The following NEGR1 variants were observed in gnomAD, a reference collection of about 807,000 sequenced individuals.
The protein encoded by NEGR1 is IgLON family member 4.
In NEGR1, 10 loss-of-function variants were observed where a neutral mutation model predicts 40.9. The observed-to-expected ratio is 0.24, with a 90% CI of 0.15 to 0.42. NEGR1 has a LOEUF of 0.42. Ranked by LOEUF, NEGR1 falls within the 10% of genes least tolerant of loss-of-function variation. The pLI is 1.00. For missense variants in NEGR1, 352 were observed against 438.9 expected, an observed-to-expected ratio of 0.80 and a Z score of 1.77; for synonymous variants, 185 against 166.8, an observed-to-expected ratio of 1.11 and a Z score of -0.84.
chr1:71,773,315 A>G (rs1398647179), intron 3 of NEGR1, among the ~76,000 whole-genome samples: 1 of 152,250 alleles, frequency 6.6e-6, no homozygotes, highest in Non-Finnish European at 1.5e-5. Flanking sequence ...TCGTGTTGAC[A>G]TGAGGTATAT....
chr1:71,550,945 TAGAACATCTACATC>T (rs1648055984), intron 6 of NEGR1, among the ~76,000 whole-genome samples: 1 of 151,576 alleles, frequency 6.6e-6, no homozygotes, highest in Admixed American at 6.6e-5. Context: ...AAGAATAACT[TAGAACATCTACATC>T]ATGGGCATTA....
At chr1:71,658,966 T>C (rs1225850758) in intron 4 of NEGR1, among the ~76,000 whole-genome samples, 3 of 152,206 alleles carry the variant, frequency 2.0e-5, no homozygotes, top group Admixed American at 2.0e-4. Context: ...GTGTCATAAC[T>C]GTTTAGATTA....
chr1:72,220,756 C>G (rs376667919), intron 1 of NEGR1, among the ~76,000 whole-genome samples: 1 of 151,898 alleles, frequency 6.6e-6, no homozygotes, highest in Non-Finnish European at 1.5e-5. Context: ...TGGAAATGAA[C>G]TACTATTTAA....
chr1:71,940,443 C>G (rs530478142), intron 1 of NEGR1, among the ~76,000 whole-genome samples: 3 of 152,280 alleles, frequency 2.0e-5, no homozygotes, highest in Admixed American at 6.5e-5. Context: ...TTCAGTCAGT[C>G]ATCTGGATAT....
intron 6 of NEGR1, among the ~76,000 whole-genome samples, chr1:71,540,826 C>T (rs12095940): frequency 0.02 from 3,090 of 151,644 alleles, 102 homozygotes; most frequent in African/African-American, 0.071. Flanking sequence ...ATACAGGAAG[C>T]GTGGCACTGG....
At chr1:71,962,171 C>G (rs6678313) in intron 1 of NEGR1, among the ~76,000 whole-genome samples, 2 of 151,724 alleles carry the variant, frequency 1.3e-5, no homozygotes, top group African/African-American at 4.8e-5. Context: ...ATTACACCCT[C>G]TTTCCTGAAG....
At chr1:71,447,394 T>C (rs1386749022) in intron 6 of NEGR1, among the ~76,000 whole-genome samples, 1 of 152,180 alleles carries the variant, frequency 6.6e-6, no homozygotes, top group Non-Finnish European at 1.5e-5. Flanking sequence ...ATTTTCCAGA[T>C]CAAAATATTC....
At chr1:71,963,100 T>A (rs542242140) in intron 1 of NEGR1, among the ~76,000 whole-genome samples, 5 of 152,134 alleles carry the variant, frequency 3.3e-5, no homozygotes, top group East Asian at 1.9e-4. Flanking sequence ...TATTTTTTTT[T>A]AAAAGTTGTT....
intron 4 of NEGR1, among the ~76,000 whole-genome samples, chr1:71,616,634 G>A (rs1156897865): frequency 6.6e-6 from 1 of 152,142 alleles, no homozygotes; most frequent in Non-Finnish European, 1.5e-5. Flanking sequence ...TGCATCTGGT[G>A]GCAGGCTTTA....
intron 1 of NEGR1, among the ~76,000 whole-genome samples, chr1:72,087,567 A>C (rs1481745920): frequency 6.6e-6 from 1 of 151,824 alleles, no homozygotes; most frequent in Non-Finnish European, 1.5e-5. Flanking sequence ...TAGAAACAAC[A>C]GTATAACTCT....
At chr1:72,019,659 T>A (rs776155892) in intron 1 of NEGR1, among the ~76,000 whole-genome samples, 1 of 152,208 alleles carries the variant, frequency 6.6e-6, no homozygotes, top group Non-Finnish European at 1.5e-5. Context: ...ACTTCTCTTT[T>A]TATAAAAGCT....
chr1:71,576,149 G>A (rs1480673757), intron 6 of NEGR1, among the ~76,000 whole-genome samples: 1 of 152,156 alleles, frequency 6.6e-6, no homozygotes. Flanking sequence ...ATGAGTGGCT[G>A]CCCATAGAGT....
intron 1 of NEGR1, among the ~76,000 whole-genome samples, chr1:72,158,595 G>A (rs1651445390): frequency 6.6e-6 from 1 of 152,126 alleles, no homozygotes; most frequent in Admixed American, 6.6e-5. Context: ...CTTCTCCTCT[G>A]TCTGTGCCAG....
intron 6 of NEGR1, among the ~76,000 whole-genome samples, chr1:71,451,371 T>G (rs1337671289): frequency 6.7e-6 from 1 of 149,446 alleles, no homozygotes; most frequent in African/African-American, 2.5e-5. Flanking sequence ...TTTGCTCTTG[T>G]TGCCCGGACT....
intron 5 of NEGR1, 139 bp from the exon 6 acceptor site, chr1:71,593,107 T>G: frequency 1.8e-6 from 1 of 544,906 alleles, no homozygotes. Context: ...AATGGTGCAA[T>G]TTACATTTCA....
intron 2 of NEGR1, among the ~76,000 whole-genome samples, chr1:71,903,071 G>A (rs1360399883): frequency 6.6e-6 from 1 of 151,574 alleles, no homozygotes; most frequent in African/African-American, 2.4e-5. Context: ...GGGATTTTTA[G>A]ATCAAATAAA....
Position 71,819,874 on chromosome 1 carries a change from C to A in NEGR1, c.410-43577G>T, listed in dbSNP as rs575893140. Among the ~76,000 whole-genome samples the A allele has an allele frequency of 2.0e-5, 3 of 151,904 alleles. No individual in the cohort carries two copies. The East Asian group carries it at 5.8e-4, about 30-fold the overall frequency. ...ACCCTGTAGATGAGTATGCTCCACA[C>A]GGAAGCCAGAAGACACCAAGGCCAT... On this transcript the variant is annotated intron_variant, in intron 2 of 6. Coordinates refer to ENST00000357731, the MANE Select transcript of NEGR1 (RefSeq NM_173808.3).
intron 6 of NEGR1, among the ~76,000 whole-genome samples, chr1:71,456,078 A>G (rs1646670552): frequency 6.6e-6 from 1 of 152,174 alleles, no homozygotes; most frequent in African/African-American, 2.4e-5. Flanking sequence ...AAAATTTCAA[A>G]CTATAGTTAA....
At chr1:72,055,498 T>C (rs1224161616) in intron 1 of NEGR1, among the ~76,000 whole-genome samples, 1 of 151,100 alleles carries the variant, frequency 6.6e-6, no homozygotes, top group Admixed American at 6.6e-5. Flanking sequence ...GTAATTGTTT[T>C]AACTTCATTA....
Sources: allele counts gnomAD v4.1 joint callset (sites outside exome capture counted in the v4.1 genomes callset), GRCh38; gene constraint gnomAD v4.1.1; transcripts MANE v1.5; gene names NCBI Gene and HGNC (gene_info 2026-07-23, HGNC 2026-07-21).